The following OR4C16 variants were observed in gnomAD, a reference collection of about 807,000 sequenced individuals.
The protein encoded by OR4C16 is olfactory receptor family 4 subfamily C member 16.
Under a neutral mutation model 14.4 loss-of-function variants are expected in OR4C16, and 24 were observed. The ratio of observed to expected loss-of-function variants is 1.66; its 90% confidence interval spans 1.21 to 2.34. The LOEUF (loss-of-function observed/expected upper bound fraction) is 2.34. Among genes scored for constraint, OR4C16 ranks in the 30% most tolerant of loss-of-function variants. The pLI is 0.00. For synonymous variants in OR4C16, 233 were observed against 133.5 expected (o/e 1.75, Z -5.14); for missense variants, 674 against 364.2 (o/e 1.85, Z -6.92).
At position 55,572,369 on chromosome 11, in the gene OR4C16, T is replaced by C. The variant is rs1857392752; in HGVS notation, c.242T>C (p.Val81Ala). 1 of 1,613,912 alleles carries C rather than the reference T, an allele frequency of 6.2e-7. No individual in the cohort carries two copies. The highest frequency in any genetic ancestry group is 2.2e-5 in the East Asian group (1 of 44,866). The part of the protein sequence containing the change: ...LSTSITPRMI[V>A]DALLKKTTIS... ...ACTTCCATAACCCCTAGAATGATTG[T>C]GGATGCCCTTTTGAAGAAGACAACT... Residue 81 changes from valine to alanine, a missense_variant, in exon 1 of 1, where the codon GTG (valine) becomes GCG (alanine). By Grantham distance (64) the Val-to-Ala change is moderately conservative (BLOSUM62 0). Transcript: ENST00000623907.
At position 55,572,991 on chromosome 11, in the gene OR4C16, G is replaced by A. The variant is rs149457996; in HGVS notation, c.864G>A (p.Lys288=). 3 of 1,605,946 alleles carry A rather than the reference G, an allele frequency of 1.9e-6. No homozygotes were observed. Among genetic ancestry groups the A allele is most frequent in the Non-Finnish European group, 2.6e-6 (3 of 1,174,654 alleles). Residue 288 remains lysine (K), a synonymous_variant, in exon 1 of 1, where the codon AAG becomes AAA. Coordinates refer to ENST00000623907, the MANE Select transcript of OR4C16 (RefSeq NM_001004701.2). The part of the protein sequence containing the change: ...SFLNPVIYTL[K]NTEVKSAMRK... The stretch of plus-strand genomic sequence containing the variant: ...TCAACCCTGTGATTTACACGCTGAA[G>A]AATACAGAAGTGAAAAGTGCCATGA...
rs571949898 is a variant in OR4C16, at chr11:55,572,766, A to G, written c.639A>G (p.Ile213Met). 22 of 1,614,086 alleles carry G rather than the reference A, an allele frequency of 1.4e-5. No individual in the cohort carries two copies. The highest frequency in any genetic ancestry group is 1.7e-5 in the Non-Finnish European group (20 of 1,180,004). Residue 213 changes from isoleucine (I) to methionine (M), a missense_variant, in exon 1 of 1, where the codon ATA becomes ATG. Coordinates refer to ENST00000623907, the MANE Select transcript of OR4C16 (RefSeq NM_001004701.2). The stretch of plus-strand genomic sequence containing the variant: ...GTGCAGTGAGTTATGTCATGCTAAT[A>G]TTCTCCTATGTCATCTTCTTGCATT... ...AICAVSYVML[I>M]FSYVIFLHSL...
In OR4C16 at chr11:55,572,827, G is replaced by A. The variant is rs201228188; in HGVS notation, c.700G>A (p.Ala234Thr). The A allele has an allele frequency of 6.3e-5, 102 of 1,613,896 alleles. No homozygotes were observed. Among genetic ancestry groups the A allele is most frequent in the Non-Finnish European group, 8.4e-5 (99 of 1,179,888 alleles). The change falls in exon 1 of 1, where the codon GCA (alanine) becomes ACA (threonine). Residue 234 changes from alanine (A) to threonine (T), a missense_variant. Transcript: ENST00000623907. ...RNHSAEVIKKALSTCVSHIIV... is the reference protein window; with the variant it reads ...RNHSAEVIKKTLSTCVSHIIV... ...CCACAGTGCTGAAGTGATAAAGAAA[G>A]CACTTTCCACATGTGTCTCCCACAT...
In OR4C16 at chr11:55,572,874, T is replaced by A; in HGVS notation, c.747T>A (p.Phe249Leu). The A allele has an allele frequency of 6.2e-7, 1 of 1,613,978 alleles. No individual in the cohort carries two copies. The highest frequency in any genetic ancestry group is 2.2e-5 in the East Asian group (1 of 44,866). Residue 249 changes from phenylalanine (F) to leucine (L), a missense_variant, in exon 1 of 1, where the codon TTT becomes TTA. Transcript: ENST00000623907. Reference protein sequence around the residue: ...VSHIIVVILFFGPCIFMYTCL... With the variant: ...VSHIIVVILFLGPCIFMYTCL... ...ACATCATTGTGGTCATCTTGTTCTT[T>A]GGACCTTGCATATTTATGTACACAT...
Position 55,572,306 on chromosome 11 carries a change from T to A in OR4C16, c.179T>A (p.Phe60Tyr). Residue 60 changes from phenylalanine (F) to tyrosine (Y), a missense_variant, in exon 1 of 1, where the codon TTC (phenylalanine) becomes TAC (tyrosine). Phe to Tyr is a conservative substitution (Grantham distance 22). Transcript: ENST00000623907. ...SQALKNPMFF[F>Y]LFYLSLSDTC... ...GCACTTAAGAACCCAATGTTCTTCT[T>A]CCTTTTCTACTTATCCTTATCTGAT... 6.2e-7 allele frequency: 1 copy of A among 1,613,410 alleles called. No homozygotes were observed. The highest frequency in any genetic ancestry group is 8.5e-7 in the Non-Finnish European group (1 of 1,179,404).
rs1475862850 is a variant in OR4C16, at chr11:55,572,759, T to C, written c.632T>C (p.Met211Thr). The C allele has an allele frequency of 5.0e-6, 8 of 1,613,994 alleles. No homozygotes were observed. Among genetic ancestry groups the C allele is most frequent in the African/African-American group, 4.0e-5 (3 of 74,920 alleles). ...SGAICAVSYV[M>T]LIFSYVIFLH... ...GCCATTTGTGCAGTGAGTTATGTCATGCTAATATTCTCCTATGTCATCTTC... is the reference window on the plus strand; with the variant it reads ...GCCATTTGTGCAGTGAGTTATGTCACGCTAATATTCTCCTATGTCATCTTC... Residue 211 changes from methionine to threonine, a missense_variant, in exon 1 of 1, where the codon ATG becomes ACG. Met to Thr is a moderately conservative substitution (Grantham distance 81). Transcript: ENST00000623907.
rs199547376 is a variant in OR4C16, at chr11:55,573,013, A to T, written c.886A>T (p.Met296Leu). 47 of 1,588,370 alleles carry T rather than the reference A, an allele frequency of 3.0e-5. No individual in the cohort carries two copies. Among genetic ancestry groups the T allele is most frequent in the Non-Finnish European group, 2.9e-5 (34 of 1,165,608 alleles). The change falls in exon 1 of 1, where the codon ATG becomes TTG. Residue 296 changes from methionine (M) to leucine (L), a missense_variant. By Grantham distance (15) the Met-to-Leu change is conservative. Transcript: ENST00000623907. The stretch of plus-strand genomic sequence containing the variant: ...GAAGAATACAGAAGTGAAAAGTGCC[A>T]TGAGGAAGCTTTGGAGCAAGAAATT... The part of the protein sequence containing the change: ...TLKNTEVKSA[M>L]RKLWSKKLIT...
chr11:55,572,224 T>A lies in OR4C16; in HGVS notation c.97T>A (p.Tyr33Asn). ...KIVFVIFLRL[Y>N]LGTLLGNLLI... Reference sequence around the variant, plus strand: ...AGTGTTTGTTATTTTTTTGCGTCTCTACTTGGGAACACTGTTGGGTAATTT... The same window carrying A: ...AGTGTTTGTTATTTTTTTGCGTCTCAACTTGGGAACACTGTTGGGTAATTT... Residue 33 changes from tyrosine to asparagine, a missense_variant, in exon 1 of 1, where the codon TAC becomes AAC. Physicochemically the swap from Tyr to Asn is moderately radical, Grantham distance 143 (BLOSUM62 -2). Transcript: ENST00000623907. The A allele has an allele frequency of 6.2e-7, 1 of 1,611,224 alleles. No individual in the cohort carries two copies. The highest frequency in any genetic ancestry group is 8.5e-7 in the Non-Finnish European group (1 of 1,177,494).
rs149911886 is a variant in OR4C16 at position 55,572,419 on chromosome 11, C to T, written c.292C>T (p.Gln98Ter). ...TTISFSECMI[Q>*]VFSSHVFGCL... ...TATCTCCTTCAGCGAGTGCATGATC[C>T]AAGTCTTTTCATCCCATGTCTTTGG... The change falls in exon 1 of 1, where the codon CAA becomes TAA. Residue 98 changes from glutamine (Q) to a stop codon, truncating the protein, a stop_gained. Transcript: ENST00000623907. LOFTEE classifies it high-confidence loss of function. 12 of 1,613,872 alleles carry T rather than the reference C, an allele frequency of 7.4e-6. No homozygotes were observed. Among genetic ancestry groups the T allele is most frequent in the African/African-American group, 2.7e-5 (2 of 74,864 alleles).
Position 55,572,356 on chromosome 11 carries a change from C to G in OR4C16, c.229C>G (p.Pro77Ala), listed in dbSNP as rs768088465. 6.2e-7 allele frequency: 1 copy of G among 1,613,166 alleles called. No individual in the cohort carries two copies. The highest frequency in any genetic ancestry group is 8.5e-7 in the Non-Finnish European group (1 of 1,179,334). ...SDTCLSTSIT[P>A]RMIVDALLKK... ...TACTTGCCTCTCTACTTCCATAACC[C>G]CTAGAATGATTGTGGATGCCCTTTT... Residue 77 changes from proline (P) to alanine (A), a missense_variant, in exon 1 of 1, where the codon CCT (proline) becomes GCT (alanine). Pro to Ala is a conservative substitution (Grantham distance 27). Transcript: ENST00000623907.
Position 55,572,587 on chromosome 11 carries a change from T to G in OR4C16, c.460T>G (p.Ser154Ala). The change falls in exon 1 of 1, where the codon TCT becomes GCT. Residue 154 changes from serine to alanine, a missense_variant. Coordinates refer to ENST00000623907, the MANE Select transcript of OR4C16 (RefSeq NM_001004701.2). ...GGCCTGGGTGGGATCCTGTGTGCAT[T>G]CTTTAGTTCAGATTTTTCTTGCCCT... ...AVAWVGSCVH[S>A]LVQIFLALSL... 6.2e-7 allele frequency: 1 copy of G among 1,614,118 alleles called. No homozygotes were observed.
Position 55,572,418 on chromosome 11 carries a change from C to G in OR4C16, c.291C>G (p.Ile97Met), listed in dbSNP as rs568913157. 3 of 1,614,042 alleles carry G rather than the reference C, an allele frequency of 1.9e-6. No homozygotes were observed. Among genetic ancestry groups the G allele is most frequent in the East Asian group, 2.2e-5 (1 of 44,858 alleles). ...KTTISFSECM[I>M]QVFSSHVFGC... The stretch of plus-strand genomic sequence containing the variant: ...CTATCTCCTTCAGCGAGTGCATGAT[C>G]CAAGTCTTTTCATCCCATGTCTTTG... The change falls in exon 1 of 1, where the codon ATC (isoleucine) becomes ATG (methionine). Residue 97 changes from isoleucine (I) to methionine (M), a missense_variant. Physicochemically the swap from Ile to Met is conservative, Grantham distance 10 (BLOSUM62 1). Coordinates refer to ENST00000623907, the MANE Select transcript of OR4C16 (RefSeq NM_001004701.2).
chr11:55,572,738 T>C lies in OR4C16; in HGVS notation c.611T>C (p.Ile204Thr). Residue 204 changes from isoleucine to threonine, a missense_variant, in exon 1 of 1, where the codon ATT (isoleucine) becomes ACT (threonine). Ile to Thr is a moderately conservative substitution (Grantham distance 89). Transcript: ENST00000623907. ...NLLLVSNSGA[I>T]CAVSYVMLIF... ...CTCCTGGTTTCCAATAGTGGGGCCA[T>C]TTGTGCAGTGAGTTATGTCATGCTA... 1 of 1,613,832 alleles carries C rather than the reference T, an allele frequency of 6.2e-7. No individual in the cohort carries two copies. The highest frequency in any genetic ancestry group is 8.5e-7 in the Non-Finnish European group (1 of 1,179,780).
rs1423283834 is a variant in OR4C16, at chr11:55,572,365, A to G, written c.238A>G (p.Ile80Val). 1 of 1,613,688 alleles carries G rather than the reference A, an allele frequency of 6.2e-7. No individual in the cohort carries two copies. Among genetic ancestry groups the G allele is most frequent in the Admixed American group, 1.7e-5 (1 of 59,994 alleles). Residue 80 changes from isoleucine to valine, a missense_variant, in exon 1 of 1, where the codon ATT (isoleucine) becomes GTT (valine). Ile to Val is a conservative substitution (Grantham distance 29). Transcript: ENST00000623907. ...CLSTSITPRM[I>V]VDALLKKTTI... The stretch of plus-strand genomic sequence containing the variant: ...CTCTACTTCCATAACCCCTAGAATG[A>G]TTGTGGATGCCCTTTTGAAGAAGAC...
rs1028415859 is a variant in OR4C16, at chr11:55,572,186, T to C, written c.59T>C (p.Phe20Ser). ...CTGCTTGGATTGACACAGGATCCTT[T>C]TTGGAAGAAAATAGTGTTTGTTATT... ...FILLGLTQDP[F>S]WKKIVFVIFL... The change falls in exon 1 of 1, where the codon TTT (phenylalanine) becomes TCT (serine). Residue 20 changes from phenylalanine (F) to serine (S), a missense_variant. By Grantham distance (155) the Phe-to-Ser change is radical. Transcript: ENST00000623907. 6.2e-7 allele frequency: 1 copy of C among 1,612,492 alleles called. No individual in the cohort carries two copies. Among genetic ancestry groups the C allele is most frequent in the Non-Finnish European group, 8.5e-7 (1 of 1,178,838 alleles).
chr11:55,572,601 T>C lies in OR4C16; in HGVS notation c.474T>C (p.Ile158=). The stretch of plus-strand genomic sequence containing the variant: ...CCTGTGTGCATTCTTTAGTTCAGAT[T>C]TTTCTTGCCCTGAGTTTGCCATTCT... The part of the protein sequence containing the change: ...VGSCVHSLVQ[I]FLALSLPFCG... The change falls in exon 1 of 1, where the codon ATT becomes ATC. Residue 158 remains isoleucine, a synonymous_variant. Transcript: ENST00000623907. The C allele has an allele frequency of 6.2e-7, 1 of 1,614,086 alleles. No individual in the cohort carries two copies. The highest frequency in any genetic ancestry group is 1.3e-5 in the African/African-American group (1 of 75,018).
rs1565052598 is a variant in OR4C16 at position 55,572,753 on chromosome 11, A to T, written c.626A>T (p.Tyr209Phe). 1 of 1,614,064 alleles carries T rather than the reference A, an allele frequency of 6.2e-7. No homozygotes were observed. Among genetic ancestry groups the T allele is most frequent in the Non-Finnish European group, 8.5e-7 (1 of 1,179,980 alleles). Reference protein sequence around the residue: ...SNSGAICAVSYVMLIFSYVIF... With the variant: ...SNSGAICAVSFVMLIFSYVIF... ...AGTGGGGCCATTTGTGCAGTGAGTT[A>T]TGTCATGCTAATATTCTCCTATGTC... Residue 209 changes from tyrosine to phenylalanine, a missense_variant, in exon 1 of 1, where the codon TAT becomes TTT. Coordinates refer to ENST00000623907, the MANE Select transcript of OR4C16 (RefSeq NM_001004701.2).
rs2120022400 is a variant in OR4C16, at chr11:55,572,243, G to A, written c.116G>A (p.Gly39Asp). The A allele has an allele frequency of 1.9e-6, 3 of 1,611,616 alleles. No homozygotes were observed. Among genetic ancestry groups the A allele is most frequent in the Non-Finnish European group, 2.5e-6 (3 of 1,178,036 alleles). Residue 39 changes from glycine to aspartate, a missense_variant, in exon 1 of 1, where the codon GGT (glycine) becomes GAT (aspartate). Transcript: ENST00000623907. ...CGTCTCTACTTGGGAACACTGTTGG[G>A]TAATTTGCTAATCATTATTAGTGTC... ...FLRLYLGTLL[G>D]NLLIIISVKT...
chr11:55,572,602 T>A lies in OR4C16; in HGVS notation c.475T>A (p.Phe159Ile), dbSNP rs1259602736. The change falls in exon 1 of 1, where the codon TTT (phenylalanine) becomes ATT (isoleucine). Residue 159 changes from phenylalanine to isoleucine, a missense_variant. Coordinates refer to ENST00000623907, the MANE Select transcript of OR4C16 (RefSeq NM_001004701.2). ...CTGTGTGCATTCTTTAGTTCAGATTTTTCTTGCCCTGAGTTTGCCATTCTG... is the reference window on the plus strand; with the variant it reads ...CTGTGTGCATTCTTTAGTTCAGATTATTCTTGCCCTGAGTTTGCCATTCTG... ...GSCVHSLVQI[F>I]LALSLPFCGP... is the part of the protein sequence containing the mutation. The A allele has an allele frequency of 3.1e-6, 5 of 1,614,142 alleles. No homozygotes were observed. The highest frequency in any genetic ancestry group is 1.3e-5 in the African/African-American group (1 of 75,032).
Sources: gnomAD v4.1 joint callset for allele counts on GRCh38, gnomAD v4.1.1 for gene constraint, MANE v1.5 for transcripts, NCBI Gene and HGNC (gene_info 2026-07-23, HGNC 2026-07-21) for gene names.